Variants in TRAFD1 observed in about 807,000 individuals in gnomAD.
The protein encoded by TRAFD1 is TRAF-type zinc finger domain containing 1.
A neutral mutation model predicts 65.3 loss-of-function variants in TRAFD1; 38 were observed. The ratio of observed to expected loss-of-function variants is 0.58; its 90% CI spans 0.45 to 0.76. TRAFD1 has a LOEUF of 0.76. TRAFD1 is among the 30% of genes least tolerant of loss of function. The probability of loss-of-function intolerance (pLI) is 0.00; values close to 1 mark genes in which losing one functional copy is unlikely to be tolerated. For synonymous variants in TRAFD1, 223 were observed against 257.2 expected, an observed-to-expected ratio of 0.87 and a Z score of 1.27; for missense variants, 631 against 712.6, an observed-to-expected ratio of 0.89 and a Z score of 1.30.
In TRAFD1 at chr12:112,140,919, C is replaced by T. The variant is rs753226462; in HGVS notation, c.338C>T (p.Thr113Met). 16 of 1,614,108 alleles carry T rather than the reference C, an allele frequency of 9.9e-6. No homozygotes were observed. The highest frequency in any genetic ancestry group is 2.2e-5 in the South Asian group (2 of 91,082). The change falls in exon 5 of 12, where the codon ACG becomes ATG. Residue 113 changes from threonine (T) to methionine (M), a missense_variant. Coordinates refer to ENST00000412615, the MANE Select transcript of TRAFD1 (RefSeq NM_006700.3). ...CATGAAGATTATTGTGGTGCCCGGA[C>T]GGAACTATGTGGCAACTGTGGTCGC... is the stretch of plus-strand genomic sequence containing the variant. ...KEHEDYCGARTELCGNCGRNV... is the reference protein window; with the variant it reads ...KEHEDYCGARMELCGNCGRNV...
intron 6 of TRAFD1, among the ~76,000 whole-genome samples, chr12:112,144,651 C>T (rs551861923): frequency 6.6e-5 from 10 of 152,202 alleles, no homozygotes; most frequent in East Asian, 1.9e-4. Context: ...GAGGCTGAGA[C>T]GGGAGGTTCA....
intron 6 of TRAFD1, among the ~76,000 whole-genome samples, chr12:112,144,854 A>G (rs1436461563): frequency 1.3e-5 from 2 of 152,166 alleles, no homozygotes; most frequent in Non-Finnish European, 1.5e-5. Flanking sequence ...CTGCACTCCA[A>G]TCTAGGCAAC....
At position 112,141,242 on chromosome 12, in the gene TRAFD1, T is replaced by G. The variant is rs1404587838; in HGVS notation, c.643+18T>G. 1 of 1,610,598 alleles carries G rather than the reference T, an allele frequency of 6.2e-7. No individual in the cohort carries two copies. Among genetic ancestry groups the G allele is most frequent in the Non-Finnish European group, 8.5e-7 (1 of 1,177,856 alleles). ...TAATCTGTGTGAGTTGTGCTTGGGA[T>G]TAGGGAACTAGAATGGTATCAAAAT... On this transcript the variant is annotated intron_variant, in intron 5 of 11. Coordinates refer to ENST00000412615, the MANE Select transcript of TRAFD1 (RefSeq NM_006700.3).
intron 2 of TRAFD1, among the ~76,000 whole-genome samples, chr12:112,131,508 T>C (rs2079566027): frequency 6.6e-6 from 1 of 152,190 alleles, no homozygotes; most frequent in Non-Finnish European, 1.5e-5. Context: ...TGACTAAACC[T>C]GTAAAGAATT....
chr12:112,149,733 C>G lies in TRAFD1; in HGVS notation c.1159-18C>G. On this transcript the variant is annotated intron_variant, in intron 8 of 11. Transcript: ENST00000412615. ...ATGACTCAATTCAGAGGTACTAATT[C>G]TGGTTTTTCTTGTTTAGGACCAGTG... 1 of 1,613,776 alleles carries G rather than the reference C, an allele frequency of 6.2e-7. No individual in the cohort carries two copies. The highest frequency in any genetic ancestry group is 8.5e-7 in the Non-Finnish European group (1 of 1,179,794).
chr12:112,149,494 T>G (rs532520376), intron 8 of TRAFD1: 6 of 334,242 alleles, frequency 1.8e-5, no homozygotes, highest in Middle Eastern at 9.1e-4. Context: ...AAAAAAGAAA[T>G]AAATGTTTTT....
At chr12:112,132,127 C>T (rs952600132) in intron 2 of TRAFD1, among the ~76,000 whole-genome samples, 13 of 152,134 alleles carry the variant, frequency 8.5e-5, no homozygotes, top group Non-Finnish European at 1.8e-4. Flanking sequence ...AGGTTTTCTA[C>T]ACCCTAAGCA....
At position 112,137,778 on chromosome 12, in the gene TRAFD1, AAAAT is replaced by A. The variant is rs1225071500; in HGVS notation, c.237+2724_237+2727del. ...CTCCGTCTAAAAAAATAAATAAATA[AAAAT>A]AAATAAATAAAAATCCAAACAGCTG... is the stretch of plus-strand genomic sequence containing the variant. On this transcript the variant is annotated intron_variant, in intron 4 of 11. Coordinates refer to ENST00000412615, the MANE Select transcript of TRAFD1 (RefSeq NM_006700.3). This position sits in a 1 kb window ranked among gnomAD's most constrained non-coding sequence, Gnocchi z 4.2. 3.9e-5 allele frequency among the ~76,000 whole-genome samples: 6 copies of A among 152,076 alleles called. No homozygotes were observed. Among genetic ancestry groups the A allele is most frequent in the South Asian group, 2.1e-4 (1 of 4,830 alleles).
intron 2 of TRAFD1, among the ~76,000 whole-genome samples, chr12:112,134,330 A>G (rs1423116469): frequency 9.9e-6 from 1 of 100,690 alleles, no homozygotes; most frequent in African/African-American, 4.1e-5. Context: ...TTTTTTTTTT[A>G]TAGCAACCTC....
chr12:112,140,082 G>T, intron 4 of TRAFD1: 1 of 297,126 alleles, frequency 3.4e-6, no homozygotes, highest in Non-Finnish European at 6.7e-6. Context: ...AGAAACCTGT[G>T]TCTTTCTAAA....
Position 112,152,300 on chromosome 12 carries a change from T to C in TRAFD1, c.1620-127T>C. 3 of 1,441,098 alleles carry C rather than the reference T, an allele frequency of 2.1e-6. No individual in the cohort carries two copies. The highest frequency in any genetic ancestry group is 2.8e-6 in the Non-Finnish European group (3 of 1,058,890). The allele number at this position is 1,441,098 out of a possible 1,614,324, so 89.3% of individuals were successfully genotyped here. On this transcript the variant is annotated intron_variant, in intron 10 of 11. Coordinates refer to ENST00000412615, the MANE Select transcript of TRAFD1 (RefSeq NM_006700.3). This position sits in a 1 kb window ranked among gnomAD's most constrained non-coding sequence, Gnocchi z 5.0. ...GTATTGTCACCTGACTCCAAAAAAA[T>C]TATTTTGTGGCCTATGGGTTTTTTG...
rs2030434579 is a variant in TRAFD1, at chr12:112,152,342, A to C, written c.1620-85A>C. 6.4e-7 allele frequency: 1 copy of C among 1,567,174 alleles called. No homozygotes were observed. Among genetic ancestry groups the C allele is most frequent in the Admixed American group, 1.7e-5 (1 of 59,272 alleles). On this transcript the variant is annotated intron_variant, in intron 10 of 11. Transcript: ENST00000412615. The surrounding 1 kb of genome is among the most constrained non-coding windows in gnomAD (Gnocchi z 5.0). ...GGTTTTTTGGGGTTTGTCTGCTAGCATAGGACTGCTTCCTGTTCCCTCTGA... is the reference window on the plus strand; with the variant it reads ...GGTTTTTTGGGGTTTGTCTGCTAGCCTAGGACTGCTTCCTGTTCCCTCTGA...
intron 2 of TRAFD1, among the ~76,000 whole-genome samples, chr12:112,131,650 T>C: frequency 6.6e-6 from 1 of 152,214 alleles, no homozygotes; most frequent in East Asian, 1.9e-4. Context: ...TTGAGACTTT[T>C]AGCAGTTTTA....
In TRAFD1 at chr12:112,135,457, G is replaced by A. The variant is rs919099884; in HGVS notation, c.237+391G>A. On this transcript the variant is annotated intron_variant, in intron 4 of 11. Coordinates refer to ENST00000412615, the MANE Select transcript of TRAFD1 (RefSeq NM_006700.3). ...TTTTTGTTTGTTTGTTTTTTGAGAC[G>A]GAGTCTTGTTCTGTTGCCCAGGCTG... Among the ~76,000 whole-genome samples, 5 of 152,046 alleles carry A rather than the reference G, an allele frequency of 3.3e-5. No individual in the cohort carries two copies. In the South Asian group the frequency reaches 6.2e-4, roughly 19 times the overall value.
chr12:112,133,999 TA>T (rs2079580075), intron 2 of TRAFD1, among the ~76,000 whole-genome samples: 1 of 145,788 alleles, frequency 6.9e-6, no homozygotes. Context: ...GGAAAGGATT[TA>T]ATTTTTTTTT....
chr12:112,126,170 A>G (rs558390044), intron 1 of TRAFD1: 1 of 152,316 alleles, frequency 6.6e-6, no homozygotes, highest in South Asian at 2.1e-4. Flanking sequence ...GGCAACTGCT[A>G]TTATTTGAGA....
At chr12:112,141,868 G>C (rs2030097507) in intron 5 of TRAFD1, 1 of 527,896 alleles carries the variant, frequency 1.9e-6, no homozygotes, top group Admixed American at 3.2e-5. Flanking sequence ...CAGTAATATT[G>C]CTTAATAATA....
At chr12:112,136,888 T>C (rs1299998521) in intron 4 of TRAFD1, among the ~76,000 whole-genome samples, 1 of 152,246 alleles carries the variant, frequency 6.6e-6, no homozygotes, top group African/African-American at 2.4e-5. Flanking sequence ...CTATGGCATC[T>C]GGCCAAAACT....
rs1176271927 is a variant in TRAFD1, at chr12:112,130,614, A to G, written c.47+45A>G. Reference sequence around the variant, plus strand: ...AAATGTTAGTGGAATGAGGACAGTCAAGCTTAATCACTATCATTTCCTGAT... The same window carrying G: ...AAATGTTAGTGGAATGAGGACAGTCGAGCTTAATCACTATCATTTCCTGAT... On this transcript the variant is annotated intron_variant, in intron 2 of 11. Coordinates refer to ENST00000412615, the MANE Select transcript of TRAFD1 (RefSeq NM_006700.3). The surrounding 1 kb of genome is among the most constrained non-coding windows in gnomAD (Gnocchi z 4.4). 3.3e-6 allele frequency: 5 copies of G among 1,525,148 alleles called. No individual in the cohort carries two copies. In the South Asian group the frequency reaches 5.7e-5, roughly 17 times the overall value. 94.5% of individuals were successfully genotyped at this position (1,525,148 alleles called of 1,614,324 possible).
Sources: allele counts gnomAD v4.1 joint callset (sites outside exome capture counted in the v4.1 genomes callset), GRCh38; gene constraint gnomAD v4.1.1; non-coding constraint Gnocchi (gnomAD v3.1); transcripts MANE v1.5; gene names NCBI Gene and HGNC (gene_info 2026-07-23, HGNC 2026-07-21).